Variants in LHFPL2 observed in about 807,000 individuals in gnomAD.
LHFPL2 encodes LHFPL tetraspan subfamily member 2 protein.
A neutral mutation model predicts 17.5 loss-of-function variants in LHFPL2; 7 were observed. The ratio of observed to expected loss-of-function variants is 0.40; its 90% CI spans 0.23 to 0.75. The LOEUF (loss-of-function observed/expected upper bound fraction) is 0.75, where lower values mean the gene tolerates loss of function less well. Among genes scored for constraint, LHFPL2 ranks in the 30% least tolerant of loss-of-function variants. The probability of loss-of-function intolerance (pLI) is 0.37; values close to 1 mark genes in which losing one functional copy is unlikely to be tolerated. For synonymous variants in LHFPL2, 134 were observed against 116.2 expected, an observed-to-expected ratio of 1.15 and a Z score of -0.99; for missense variants, 241 against 294.8, an observed-to-expected ratio of 0.82 and a Z score of 1.34.
chr5:78,489,369 G>A (rs1754362871), intron 4 of LHFPL2, among the ~76,000 whole-genome samples: 1 of 126,448 alleles, frequency 7.9e-6, no homozygotes, highest in Non-Finnish European at 2.0e-5. Context: ...GTTGGAATGT[G>A]AATCCACTAA....
At chr5:78,638,911 C>T (rs2112524746) in intron 1 of LHFPL2, among the ~76,000 whole-genome samples, 1 of 152,292 alleles carries the variant, frequency 6.6e-6, no homozygotes, top group South Asian at 2.1e-4. Flanking sequence ...TTTCAAAAAT[C>T]AAATATACAC....
chr5:78,485,255 A>G lies in LHFPL2; in HGVS notation c.*3642T>C, dbSNP rs942634875. ...TGAATTGCAAAATCTGGTTTAATTA[A>G]GATCTGGGGAGGGGAGCACATAGTG... On this transcript the variant is annotated 3_prime_UTR_variant, in exon 5 of 5. Transcript: ENST00000380345. The G allele has an allele frequency of 6.6e-6, 1 of 152,254 alleles. No individual in the cohort carries two copies. Among genetic ancestry groups the G allele is most frequent in the African/African-American group, 2.4e-5 (1 of 41,444 alleles). The allele number at this position is 152,254 out of a possible 1,614,324, so 9.4% of individuals were successfully genotyped here.
chr5:78,510,276 G>A lies in LHFPL2; in HGVS notation c.-63C>T. The A allele has an allele frequency of 2.0e-6, 3 of 1,467,076 alleles. No homozygotes were observed. The highest frequency in any genetic ancestry group is 1.8e-4 in the Middle Eastern group (1 of 5,524). The allele number at this position is 1,467,076 out of a possible 1,614,324, so 90.9% of individuals were successfully genotyped here. ...GGAGTTAATCAAAACAAGAAAGTCG[G>A]TGGGGAAGGAGGCTCGGGCGGCCCG... On this transcript the variant is annotated 5_prime_UTR_variant, in exon 4 of 5. Transcript: ENST00000380345.
At chr5:78,632,155 T>C (rs1024754158) in intron 2 of LHFPL2, 109 bp downstream of exon 2, 2 of 152,210 alleles carry the variant, frequency 1.3e-5, no homozygotes, top group African/African-American at 4.8e-5. Context: ...AATTTACACC[T>C]TTCTTAGAGA....
intron 2 of LHFPL2, among the ~76,000 whole-genome samples, chr5:78,607,190 A>G (rs988334957): frequency 6.6e-6 from 1 of 151,628 alleles, no homozygotes; most frequent in Non-Finnish European, 1.5e-5. Flanking sequence ...AGCTCACTGC[A>G]ACCTCTCTGC....
intron 2 of LHFPL2, among the ~76,000 whole-genome samples, chr5:78,569,624 T>C (rs1417712352): frequency 6.6e-6 from 1 of 152,146 alleles, no homozygotes; most frequent in Non-Finnish European, 1.5e-5. Context: ...AGGAAAGACA[T>C]GAGAGTGTCG....
At chr5:78,543,627 G>A (rs933896411) in intron 3 of LHFPL2, among the ~76,000 whole-genome samples, 1 of 152,164 alleles carries the variant, frequency 6.6e-6, no homozygotes, top group African/African-American at 2.4e-5. Flanking sequence ...GAGGTCAGGA[G>A]CCAGCAAAGC....
intron 1 of LHFPL2, among the ~76,000 whole-genome samples, chr5:78,638,930 C>G (rs894855379): frequency 6.6e-6 from 1 of 152,166 alleles, no homozygotes; most frequent in Non-Finnish European, 1.5e-5. Flanking sequence ...ACATCCCAAA[C>G]TAGAGGAAAT....
At chr5:78,619,466 T>C (rs1336422448) in intron 2 of LHFPL2, among the ~76,000 whole-genome samples, 1 of 151,096 alleles carries the variant, frequency 6.6e-6, no homozygotes, top group Admixed American at 6.6e-5. Flanking sequence ...TTACACTCGC[T>C]ATGCCTCAGA....
intron 1 of LHFPL2, among the ~76,000 whole-genome samples, chr5:78,642,931 A>G (rs956867097): frequency 6.6e-6 from 1 of 152,084 alleles, no homozygotes; most frequent in Non-Finnish European, 1.5e-5. Context: ...TCCTGCCAGG[A>G]TTTCTGCACT....
chr5:78,616,608 G>A (rs1207976390), intron 2 of LHFPL2, among the ~76,000 whole-genome samples: 1 of 152,194 alleles, frequency 6.6e-6, no homozygotes, highest in Admixed American at 6.5e-5. Context: ...GTGTCCCAGA[G>A]GAGAAGGAAA....
rs80080139 is a variant in LHFPL2, at chr5:78,527,968, G to C, written c.-185-17570C>G. On this transcript the variant is annotated intron_variant, in intron 3 of 4. Transcript: ENST00000380345. ...TCTACTGTTTATTTCTCGTTTCTCA[G>C]TTCTGATAACCCTCCTTGATTTTCT... Among the ~76,000 whole-genome samples the C allele has an allele frequency of 1.3e-3, 198 of 152,298 alleles. 2 individuals carry two copies. In the East Asian group the frequency reaches 0.024, roughly 19 times the overall value.
At chr5:78,494,183 G>T (rs73138129) in intron 4 of LHFPL2, among the ~76,000 whole-genome samples, 3,004 of 152,246 alleles carry the variant, frequency 0.02, 106 homozygotes, top group African/African-American at 0.067. Context: ...AGAAGGAAGG[G>T]ACTAGGGCTG....
At chr5:78,588,954 G>C (rs1021638868) in intron 2 of LHFPL2, among the ~76,000 whole-genome samples, 1 of 152,188 alleles carries the variant, frequency 6.6e-6, no homozygotes, top group African/African-American at 2.4e-5. Flanking sequence ...AAGAAAAGGG[G>C]AGGGACTAAT....
intron 4 of LHFPL2, among the ~76,000 whole-genome samples, chr5:78,504,249 T>C (rs1470827952): frequency 6.6e-6 from 1 of 152,160 alleles, no homozygotes; most frequent in East Asian, 1.9e-4. Context: ...ACTCTCCCCA[T>C]GCCTCTTTGA....
intron 3 of LHFPL2, among the ~76,000 whole-genome samples, chr5:78,520,550 G>A (rs1348709276): frequency 6.6e-6 from 1 of 152,218 alleles, no homozygotes; most frequent in Non-Finnish European, 1.5e-5. Flanking sequence ...TGGAGAGGGA[G>A]GTCTCTGGTT....
At chr5:78,612,655 T>G (rs1744460454) in intron 2 of LHFPL2, among the ~76,000 whole-genome samples, 1 of 152,200 alleles carries the variant, frequency 6.6e-6, no homozygotes. Context: ...CATGGCACAC[T>G]TCCTCTACAT....
intron 2 of LHFPL2, among the ~76,000 whole-genome samples, chr5:78,615,251 G>A (rs886453965): frequency 1.3e-5 from 2 of 152,110 alleles, no homozygotes; most frequent in Non-Finnish European, 2.9e-5. Flanking sequence ...TCCTGTCCCA[G>A]TTGAGAACCA....
chr5:78,543,815 T>C (rs1471309533), intron 3 of LHFPL2, among the ~76,000 whole-genome samples: 1 of 152,132 alleles, frequency 6.6e-6, no homozygotes, highest in East Asian at 1.9e-4. Flanking sequence ...AATAGGAAGA[T>C]TAGAGCAAGA....
Sources: allele counts gnomAD v4.1 joint callset (sites outside exome capture counted in the v4.1 genomes callset), GRCh38; gene constraint gnomAD v4.1.1; transcripts MANE v1.5; gene names NCBI Gene and HGNC (gene_info 2026-07-23, HGNC 2026-07-21).